Variants in NAALADL2 observed in about 807,000 individuals in gnomAD.
NAALADL2 encodes N-acetylated alpha-linked acidic dipeptidase like 2, also known as inactive N-acetylated-alpha-linked acidic dipeptidase-like protein 2.
A neutral mutation model predicts 87.2 loss-of-function variants in NAALADL2; 76 were observed. That is an observed-to-expected ratio of 0.87 (90% CI 0.72 to 1.05). NAALADL2 has a LOEUF of 1.05. Among genes scored for constraint, NAALADL2 ranks in the 50% least tolerant of loss-of-function variants. The pLI, the probability that NAALADL2 is intolerant of heterozygous loss-of-function variation, is 0.00. For missense variants in NAALADL2, 1,089 were observed against 945.8 expected, an observed-to-expected ratio of 1.15 and a Z score of -1.99; for synonymous variants, 354 against 331.0, an observed-to-expected ratio of 1.07 and a Z score of -0.75.
At chr3:175,114,784 A>G (rs528188501) in intron 2 of NAALADL2, among the ~76,000 whole-genome samples, 2 of 151,772 alleles carry the variant, frequency 1.3e-5, no homozygotes, top group Admixed American at 6.6e-5. Flanking sequence ...GACATTATTT[A>G]TTACATAGTG....
At chr3:174,585,205 C>G (rs1049670221) in intron 2 of NAALADL2, among the ~76,000 whole-genome samples, 26 of 152,188 alleles carry the variant, frequency 1.7e-4, no homozygotes, top group East Asian at 3.9e-4. Context: ...GGATATGCAT[C>G]ATAATCATTT....
intron 2 of NAALADL2, among the ~76,000 whole-genome samples, chr3:174,661,974 A>C (rs1237515524): frequency 6.6e-6 from 1 of 152,206 alleles, no homozygotes; most frequent in Non-Finnish European, 1.5e-5. Flanking sequence ...TGGTATTTGC[A>C]CTTCTTCCAA....
chr3:174,539,210 T>C (rs951947670), intron 1 of NAALADL2, among the ~76,000 whole-genome samples: 2 of 152,132 alleles, frequency 1.3e-5, no homozygotes, highest in Admixed American at 6.6e-5. Context: ...GTATGTCCAA[T>C]ATTTATTTAA....
intron 3 of NAALADL2, among the ~76,000 whole-genome samples, chr3:174,846,224 C>G (rs990206015): frequency 6.6e-6 from 1 of 152,206 alleles, no homozygotes; most frequent in African/African-American, 2.4e-5. Context: ...GTGGCCAAGG[C>G]AGAATGCTTT....
intron 2 of NAALADL2, among the ~76,000 whole-genome samples, chr3:174,650,531 T>C (rs750767405): frequency 6.6e-5 from 10 of 152,128 alleles, no homozygotes; most frequent in Admixed American, 6.6e-4. Context: ...TCAGAACACA[T>C]TAGTGAAAAA....
chr3:175,242,784 G>A (rs1747172787), intron 3 of NAALADL2, among the ~76,000 whole-genome samples: 1 of 152,020 alleles, frequency 6.6e-6, no homozygotes, highest in Non-Finnish European at 1.5e-5. Flanking sequence ...AGAAAGCCTC[G>A]GACCCTGCTG....
In NAALADL2 at chr3:175,342,505, CGT is replaced by C. The variant is rs35444340; in HGVS notation, c.1090+18207_1090+18208del. ...CCCTCCTGGCATTTGCCAAATATTG[CGT>C]GTGTGTGTGTGTGTGTGTGTGTGTG... On this transcript the variant is annotated intron_variant, in intron 5 of 13. Transcript: ENST00000454872. 1.3e-3 allele frequency among the ~76,000 whole-genome samples: 183 copies of C among 146,254 alleles called. 2 individuals carry two copies. Among genetic ancestry groups the C allele is most frequent in the African/African-American group, 1.7e-3 (68 of 40,202 alleles).
chr3:174,822,072 T>C lies in NAALADL2; in HGVS notation c.-9+84326T>C, dbSNP rs6797162. Reference sequence around the variant, plus strand: ...TTCATGTTCCTGAAGCATAGGGATATCAAAGTCAAATAATGTACAGGCTAG... The same window carrying C: ...TTCATGTTCCTGAAGCATAGGGATACCAAAGTCAAATAATGTACAGGCTAG... On this transcript the variant is annotated intron_variant, in intron 3 of 3. Transcript: ENST00000434257. Among the ~76,000 whole-genome samples, 151 of 152,224 alleles carry C rather than the reference T, an allele frequency of 9.9e-4. No individual in the cohort carries two copies. The Middle Eastern group carries it at 0.014, about 14-fold the overall frequency.
intron 5 of NAALADL2, among the ~76,000 whole-genome samples, chr3:175,374,234 C>T (rs1024189308): frequency 2.6e-5 from 4 of 151,680 alleles, no homozygotes; most frequent in African/African-American, 9.7e-5. Context: ...ATCATAAATA[C>T]GTTTTCTTAT....
At chr3:174,696,094 C>T (rs1485759343) in intron 2 of NAALADL2, among the ~76,000 whole-genome samples, 1 of 151,950 alleles carries the variant, frequency 6.6e-6, no homozygotes, top group African/African-American at 2.4e-5. Flanking sequence ...TTTTAATCTA[C>T]CTTACTTTTA....
chr3:175,654,055 CAA>C (rs1337265141), intron 11 of NAALADL2, among the ~76,000 whole-genome samples: 2 of 152,138 alleles, frequency 1.3e-5, no homozygotes, highest in African/African-American at 2.4e-5. Flanking sequence ...GTTGTACAAT[CAA>C]AAGACTGACC....
chr3:175,367,665 T>C lies in NAALADL2; in HGVS notation c.1090+43340T>C, dbSNP rs534214359. On this transcript the variant is annotated intron_variant, in intron 5 of 13. Coordinates refer to ENST00000454872, the MANE Select transcript of NAALADL2 (RefSeq NM_207015.3). ...TCATGATTTGGCTCTCTGTCTGTTA[T>C]TGGTGTATAAGAATGCTTGTGATTT... Among the ~76,000 whole-genome samples, 395 of 152,130 alleles carry C rather than the reference T, an allele frequency of 2.6e-3. 1 individual carries two copies. The highest frequency in any genetic ancestry group is 4.3e-3 in the Non-Finnish European group (289 of 67,950).
chr3:175,312,304 T>C (rs1292199044), intron 4 of NAALADL2, among the ~76,000 whole-genome samples: 1 of 152,224 alleles, frequency 6.6e-6, no homozygotes, highest in Non-Finnish European at 1.5e-5. Context: ...TAAATAAGAA[T>C]GTACTATGAG....
chr3:175,677,279 C>T (rs1374512469), intron 11 of NAALADL2, among the ~76,000 whole-genome samples: 1 of 152,050 alleles, frequency 6.6e-6, no homozygotes, highest in Non-Finnish European at 1.5e-5. Context: ...AGAAGAATTG[C>T]TTGAACCCAG....
rs1433198264 is a variant in NAALADL2, at chr3:175,805,617, T to G, written c.*2414T>G. 6.7e-6 allele frequency: 1 copy of G among 149,520 alleles called. No homozygotes were observed. Among genetic ancestry groups the G allele is most frequent in the Non-Finnish European group, 1.5e-5 (1 of 67,268 alleles). 9.3% of individuals were successfully genotyped at this position (149,520 alleles called of 1,614,324 possible). A position where few individuals can be genotyped will look rare whatever the true frequency, so the allele number is the denominator to read the frequency against. On this transcript the variant is annotated 3_prime_UTR_variant, in exon 14 of 14. Coordinates refer to ENST00000454872, the MANE Select transcript of NAALADL2 (RefSeq NM_207015.3). Reference sequence around the variant, plus strand: ...CCTCCCCACCCCCAATAGATTCAAATAAATAAAATCCTGAGCAAATTAATA... The same window carrying G: ...CCTCCCCACCCCCAATAGATTCAAAGAAATAAAATCCTGAGCAAATTAATA...
chr3:175,073,262 C>T (rs1056376565), intron 1 of NAALADL2, among the ~76,000 whole-genome samples: 5 of 152,118 alleles, frequency 3.3e-5, no homozygotes, highest in Non-Finnish European at 7.4e-5. Context: ...AAGGGTTAAA[C>T]AGGATCAAAG....
chr3:175,182,923 A>G (rs1736808338), intron 2 of NAALADL2, among the ~76,000 whole-genome samples: 1 of 151,832 alleles, frequency 6.6e-6, no homozygotes, highest in African/African-American at 2.4e-5. Flanking sequence ...ATATGATGTG[A>G]GATTCTTTTT....
At chr3:174,980,586 A>C (rs1416648815) in intron 1 of NAALADL2, among the ~76,000 whole-genome samples, 9 of 152,206 alleles carry the variant, frequency 5.9e-5, no homozygotes, top group African/African-American at 2.2e-4. Context: ...AGAAAGATCA[A>C]GGTATTATAA....
rs138191916 is a variant in NAALADL2, at chr3:174,981,583, G to A, written c.44-115207G>A. Among the ~76,000 whole-genome samples, 250 of 152,192 alleles carry A rather than the reference G, an allele frequency of 1.6e-3. 2 individuals are homozygous for A. Among genetic ancestry groups the A allele is most frequent in the African/African-American group, 5.8e-3 (240 of 41,528 alleles). ...TTTAATAAATAATGTAATAAATAAT[G>A]TTCTCTACATATATCAAATGTAAAT... On this transcript the variant is annotated intron_variant, in intron 1 of 13. Transcript: ENST00000454872.
Sources: allele counts gnomAD v4.1 joint callset (sites outside exome capture counted in the v4.1 genomes callset), GRCh38; gene constraint gnomAD v4.1.1; transcripts MANE v1.5; gene names NCBI Gene and HGNC (gene_info 2026-07-23, HGNC 2026-07-21).